Variants in AHI1 observed in about 807,000 individuals in gnomAD.
AHI1 encodes the protein Abelson helper integration site 1, also known as jouberin.
A neutral mutation model predicts 149.3 loss-of-function variants in AHI1; 123 were observed. That is an observed-to-expected ratio of 0.82 (90% confidence interval 0.71 to 0.96). The LOEUF (loss-of-function observed/expected upper bound fraction) is 0.96. AHI1 is among the 40% of genes least tolerant of loss of function. The pLI is 0.00. For synonymous variants in AHI1, 475 were observed against 459.8 expected, an observed-to-expected ratio of 1.03 and a Z score of -0.42; for missense variants, 1,439 against 1,422.7, an observed-to-expected ratio of 1.01 and a Z score of -0.18.
intron 5 of AHI1, among the ~76,000 whole-genome samples, chr6:135,489,127 C>G (rs374661855): frequency 3.4e-4 from 52 of 152,260 alleles, no homozygotes; most frequent in African/African-American, 1.2e-3. Context: ...TTTTGTTCTC[C>G]TCTAAGTCCT....
intron 22 of AHI1, among the ~76,000 whole-genome samples, chr6:135,401,242 T>C (rs1037879511): frequency 1.3e-5 from 2 of 152,186 alleles, no homozygotes; most frequent in Non-Finnish European, 2.9e-5. Flanking sequence ...CTTTGTCCCA[T>C]GAACCTATTT....
chr6:135,443,010 T>C (rs535359397), intron 13 of AHI1, among the ~76,000 whole-genome samples: 1 of 152,318 alleles, frequency 6.6e-6, no homozygotes, highest in African/African-American at 2.4e-5. Flanking sequence ...ACACTGCTTC[T>C]ATATAGCTAC....
chr6:135,473,255 A>C (rs1198288534), intron 5 of AHI1, among the ~76,000 whole-genome samples: 1 of 152,162 alleles, frequency 6.6e-6, no homozygotes, highest in African/African-American at 2.4e-5. Context: ...AGTCAATTGA[A>C]CATATATATT....
At chr6:135,391,088 A>T (rs1778418726) in intron 23 of AHI1, among the ~76,000 whole-genome samples, 1 of 152,234 alleles carries the variant, frequency 6.6e-6, no homozygotes, top group South Asian at 2.1e-4. Context: ...AAGAACTTAG[A>T]CTAATAGCTT....
intron 24 of AHI1, among the ~76,000 whole-genome samples, chr6:135,328,267 T>C (rs970319353): frequency 6.6e-6 from 1 of 152,206 alleles, no homozygotes; most frequent in African/African-American, 2.4e-5. Context: ...CCCAAACATG[T>C]AGATACTGCA....
chr6:135,459,901 A>T (rs1443823321), intron 8 of AHI1, among the ~76,000 whole-genome samples: 1 of 152,228 alleles, frequency 6.6e-6, no homozygotes, highest in East Asian at 1.9e-4. Context: ...ACAATGTAAG[A>T]ATAAACTCTG....
chr6:135,336,844 C>G (rs1185761167), intron 24 of AHI1, among the ~76,000 whole-genome samples: 1 of 152,142 alleles, frequency 6.6e-6, no homozygotes, highest in East Asian at 1.9e-4. Context: ...TTACTTAATG[C>G]TTGCTATGTG....
At chr6:135,444,112 C>T (rs563357108) in intron 13 of AHI1, among the ~76,000 whole-genome samples, 1 of 152,282 alleles carries the variant, frequency 6.6e-6, no homozygotes, top group South Asian at 2.1e-4. Flanking sequence ...ACTGTTTCTC[C>T]TCCTTTACTA....
intron 22 of AHI1, among the ~76,000 whole-genome samples, 177 bp downstream of exon 22, chr6:135,404,774 T>C (rs1288326674): frequency 6.6e-6 from 1 of 152,210 alleles, no homozygotes; most frequent in Non-Finnish European, 1.5e-5. Context: ...ATGATCACCC[T>C]TACTAAATTA....
At chr6:135,301,838 A>G (rs1783919193) in intron 26 of AHI1, 1 of 985,344 alleles carries the variant, frequency 1.0e-6, no homozygotes, top group South Asian at 4.7e-5. Flanking sequence ...AGATTCAACT[A>G]CTAATTCAGA....
intron 14 of AHI1, among the ~76,000 whole-genome samples, chr6:135,441,180 G>A (rs1242077684): frequency 6.6e-6 from 1 of 151,340 alleles, no homozygotes; most frequent in Non-Finnish European, 1.5e-5. Context: ...CAGTTGAAAA[G>A]TACAATAACT....
intron 5 of AHI1, among the ~76,000 whole-genome samples, chr6:135,473,148 C>G (rs886760122): frequency 6.6e-6 from 1 of 152,058 alleles, no homozygotes; most frequent in African/African-American, 2.4e-5. Context: ...ATGACATGAT[C>G]CCAAGTTTAT....
At chr6:135,314,931 G>T (rs1785718796) in intron 26 of AHI1, among the ~76,000 whole-genome samples, 1 of 152,120 alleles carries the variant, frequency 6.6e-6, no homozygotes, top group South Asian at 2.1e-4. Context: ...AAAATTACCT[G>T]GAAAGCTTTT....
intron 5 of AHI1, among the ~76,000 whole-genome samples, chr6:135,484,318 C>G (rs983617698): frequency 6.6e-6 from 1 of 152,184 alleles, no homozygotes; most frequent in African/African-American, 2.4e-5. Flanking sequence ...TGTTACCTTT[C>G]TACCAGCATT....
At chr6:135,421,450 A>G (rs987836539) in intron 20 of AHI1, among the ~76,000 whole-genome samples, 16 of 152,172 alleles carry the variant, frequency 1.1e-4, no homozygotes, top group East Asian at 3.8e-4. Context: ...TTATCCTTTG[A>G]TAAAAATATT....
intron 23 of AHI1, among the ~76,000 whole-genome samples, chr6:135,388,763 G>A (rs1054823926): frequency 2.0e-5 from 3 of 152,036 alleles, no homozygotes; most frequent in African/African-American, 7.3e-5. Flanking sequence ...TGTAATCCCA[G>A]CACTTTGGGA....
intron 26 of AHI1, among the ~76,000 whole-genome samples, chr6:135,316,282 C>T (rs1785935217): frequency 6.6e-6 from 1 of 152,080 alleles, no homozygotes; most frequent in African/African-American, 2.4e-5. Context: ...TTACATCTGT[C>T]CATTATTTAA....
rs555655213 is a variant in AHI1 at position 135,428,242 on chromosome 6, G to A, written c.2623+387C>T. 3.4e-4 allele frequency among the ~76,000 whole-genome samples: 51 copies of A among 151,672 alleles called. No individual in the cohort carries two copies. In the South Asian group the frequency reaches 4.4e-3, roughly 13 times the overall value. Reference sequence around the variant, plus strand: ...TCAAAACTTTCACAGGTATGTTTCCGTTACTAATGAAAATATAGATGTTTA... The same window carrying A: ...TCAAAACTTTCACAGGTATGTTTCCATTACTAATGAAAATATAGATGTTTA... On this transcript the variant is annotated intron_variant, in intron 19 of 28. Coordinates refer to ENST00000265602, the MANE Select transcript of AHI1 (RefSeq NM_001134831.2).
chr6:135,434,529 G>A (rs1233997710), intron 15 of AHI1, among the ~76,000 whole-genome samples: 1 of 151,920 alleles, frequency 6.6e-6, no homozygotes, highest in East Asian at 1.9e-4. Flanking sequence ...TATATAACAG[G>A]CAGAAATGAA....
Sources: allele counts gnomAD v4.1 joint callset (sites outside exome capture counted in the v4.1 genomes callset), GRCh38; gene constraint gnomAD v4.1.1; transcripts MANE v1.5; gene names NCBI Gene and HGNC (gene_info 2026-07-23, HGNC 2026-07-21).